Variants in LRRC7 observed in about 807,000 individuals in gnomAD.
The protein encoded by LRRC7 is leucine rich repeat containing 7, also known as leucine-rich repeat-containing protein 7.
Under a neutral mutation model 175.7 loss-of-function variants are expected in LRRC7, and 23 were observed. The observed-to-expected ratio is 0.13, with a 90% CI of 0.09 to 0.19. LRRC7 has a LOEUF of 0.19. LRRC7 is among the 10% of genes least tolerant of loss of function. The pLI is 1.00. For synonymous variants in LRRC7, 685 were observed against 680.9 expected, an observed-to-expected ratio of 1.01 and a Z score of -0.09; for missense variants, 1,354 against 1,904.7, an observed-to-expected ratio of 0.71 and a Z score of 5.38.
chr1:69,966,192 T>G (rs544694036), intron 8 of LRRC7, among the ~76,000 whole-genome samples: 3 of 152,290 alleles, frequency 2.0e-5, no homozygotes, highest in South Asian at 4.1e-4. Context: ...TTTAAAAATT[T>G]TATTGGCCAA....
At chr1:69,841,450 G>A (rs998702235) in intron 7 of LRRC7, among the ~76,000 whole-genome samples, 1 of 152,074 alleles carries the variant, frequency 6.6e-6, no homozygotes, top group Non-Finnish European at 1.5e-5. Context: ...CCAGGAGACA[G>A]GGATTAATGG....
intron 1 of LRRC7, among the ~76,000 whole-genome samples, chr1:69,675,593 G>T (rs779763610): frequency 6.6e-6 from 1 of 152,112 alleles, no homozygotes; most frequent in East Asian, 1.9e-4. Flanking sequence ...GTAAATACTA[G>T]TGAATAATTA....
At chr1:69,987,030 T>C (rs1319280929) in intron 10 of LRRC7, among the ~76,000 whole-genome samples, 1 of 152,058 alleles carries the variant, frequency 6.6e-6, no homozygotes, top group African/African-American at 2.4e-5. Flanking sequence ...GGTCACGAGG[T>C]CAGGAGTTCA....
At chr1:69,715,385 A>G (rs529226870) in intron 2 of LRRC7, among the ~76,000 whole-genome samples, 2 of 152,284 alleles carry the variant, frequency 1.3e-5, no homozygotes, top group East Asian at 1.9e-4. Flanking sequence ...TAATAAATTT[A>G]AAGTACATTT....
intron 25 of LRRC7, among the ~76,000 whole-genome samples, chr1:70,103,817 G>A (rs1664963436): frequency 6.6e-6 from 1 of 152,098 alleles, no homozygotes; most frequent in African/African-American, 2.4e-5. Context: ...TGAAATTAAA[G>A]TTGCTGCTAC....
intron 2 of LRRC7, among the ~76,000 whole-genome samples, chr1:69,734,688 T>C (rs536220849): frequency 1.3e-5 from 2 of 151,960 alleles, no homozygotes; most frequent in South Asian, 4.1e-4. Context: ...AGAATTATTC[T>C]TTAAGTAAAA....
chr1:69,616,094 A>G (rs1356699301), intron 1 of LRRC7, among the ~76,000 whole-genome samples: 1 of 152,088 alleles, frequency 6.6e-6, no homozygotes, highest in Non-Finnish European at 1.5e-5. Flanking sequence ...ATCCAATGTC[A>G]TGTTAGCATT....
In LRRC7 at chr1:69,986,863, G is replaced by A. The variant is rs892365606; in HGVS notation, c.931+477G>A. 2.8e-4 allele frequency among the ~76,000 whole-genome samples: 42 copies of A among 152,218 alleles called. 1 individual carries two copies. The highest frequency in any genetic ancestry group is 9.4e-4 in the African/African-American group (39 of 41,544). On this transcript the variant is annotated intron_variant, in intron 10 of 26. Transcript: ENST00000651989. ...TTCTTAGTTCTATTATTTTTAAAAA[G>A]TCACATGTCCTTAACATGTTAAGAT...
chr1:69,990,378 G>A (rs1307532226), intron 10 of LRRC7, among the ~76,000 whole-genome samples: 2 of 151,980 alleles, frequency 1.3e-5, no homozygotes, highest in Non-Finnish European at 2.9e-5. Flanking sequence ...AGAGAAAAGA[G>A]TCTAAGCACA....
chr1:70,081,781 A>G (rs898971382), intron 24 of LRRC7, among the ~76,000 whole-genome samples: 1 of 152,158 alleles, frequency 6.6e-6, no homozygotes, highest in Non-Finnish European at 1.5e-5. Context: ...TAACATATCA[A>G]AATGGCAGGA....
At chr1:69,853,838 T>A (rs1057467263) in intron 7 of LRRC7, among the ~76,000 whole-genome samples, 2 of 152,164 alleles carry the variant, frequency 1.3e-5, no homozygotes, top group Non-Finnish European at 2.9e-5. Flanking sequence ...ATATAAATAT[T>A]TTCCAGTGTT....
At chr1:69,652,005 A>T (rs560804039) in intron 1 of LRRC7, among the ~76,000 whole-genome samples, 2 of 152,228 alleles carry the variant, frequency 1.3e-5, no homozygotes, top group South Asian at 2.1e-4. Flanking sequence ...AGGAAAGGAG[A>T]GGAGTGGAGA....
At chr1:69,834,423 A>C (rs1680879651) in intron 5 of LRRC7, among the ~76,000 whole-genome samples, 2 of 152,162 alleles carry the variant, frequency 1.3e-5, no homozygotes, top group African/African-American at 2.4e-5. Flanking sequence ...TGAAAAAGGA[A>C]CATTAGTTTT....
At chr1:69,590,472 A>G (rs974786767) in intron 1 of LRRC7, among the ~76,000 whole-genome samples, 3 of 152,164 alleles carry the variant, frequency 2.0e-5, no homozygotes, top group Non-Finnish European at 4.4e-5. Context: ...AATAATATCA[A>G]CAATAAATGC....
At chr1:69,888,359 C>T (rs1048957531) in intron 7 of LRRC7, among the ~76,000 whole-genome samples, 6 of 152,254 alleles carry the variant, frequency 3.9e-5, no homozygotes, top group South Asian at 2.1e-4. Flanking sequence ...GCGCAATATT[C>T]GGGTGGGAGT....
At chr1:69,931,064 G>C (rs930643442) in intron 7 of LRRC7, among the ~76,000 whole-genome samples, 4 of 152,180 alleles carry the variant, frequency 2.6e-5, no homozygotes, top group Non-Finnish European at 4.4e-5. Flanking sequence ...ACTACAATTT[G>C]TCTGTAACAG....
rs1666432526 is a variant in LRRC7, at chr1:70,125,815, GAAGAT to G, written c.*3929_*3933del. On this transcript the variant is annotated 3_prime_UTR_variant, in exon 27 of 27. Coordinates refer to ENST00000651989, the MANE Select transcript of LRRC7 (RefSeq NM_001370785.2). ...TCAAAAAAAAAAAAAAAAAAAAAGA[GAAGAT>G]TCAGAGGGGAGAAAACATGGAAGAA... 7.1e-6 allele frequency among the ~76,000 whole-genome samples: 1 copy of G among 140,636 alleles called. No homozygotes were observed. The highest frequency in any genetic ancestry group is 2.6e-5 in the African/African-American group (1 of 38,268). 92.3% of individuals were successfully genotyped at this position (140,636 alleles called of 152,430 possible). A position where few individuals can be genotyped will look rare whatever the true frequency, so the allele number is the denominator to read the frequency against.
At chr1:69,912,106 A>AT (rs1220041470) in intron 7 of LRRC7, among the ~76,000 whole-genome samples, 1 of 152,098 alleles carries the variant, frequency 6.6e-6, no homozygotes, top group Non-Finnish European at 1.5e-5. Flanking sequence ...GTATCAGTGG[A>AT]TTTTTTATAT....
chr1:69,892,700 A>T (rs1255796662), intron 7 of LRRC7, among the ~76,000 whole-genome samples: 1 of 152,180 alleles, frequency 6.6e-6, no homozygotes, highest in East Asian at 1.9e-4. Context: ...GTATTATTTC[A>T]CTGACCCTTG....
Sources: allele counts gnomAD v4.1 joint callset (sites outside exome capture counted in the v4.1 genomes callset), GRCh38; gene constraint gnomAD v4.1.1; transcripts MANE v1.5; gene names NCBI Gene and HGNC (gene_info 2026-07-23, HGNC 2026-07-21).